Variants in LRRIQ1 observed in about 807,000 individuals in gnomAD.
LRRIQ1 encodes the protein leucine rich repeats and IQ motif containing 1.
In LRRIQ1, 210 loss-of-function variants were observed where a neutral mutation model predicts 211.9. The observed-to-expected ratio is 0.99, with a 90% CI of 0.89 to 1.11. LRRIQ1 has a LOEUF of 1.11. Among genes scored for constraint, LRRIQ1 ranks in the 50% most tolerant of loss-of-function variants. LRRIQ1 has a pLI of 0.00. For missense variants in LRRIQ1, 2,136 were observed against 1,939.5 expected (o/e 1.10, Z -1.90); for synonymous variants, 699 against 650.1 (o/e 1.08, Z -1.14).
At chr12:85,064,361 T>C (rs1027488513) in intron 8 of LRRIQ1, among the ~76,000 whole-genome samples, 3 of 151,810 alleles carry the variant, frequency 2.0e-5, no homozygotes, top group African/African-American at 7.2e-5. Context: ...CCATTTTAGA[T>C]TGGATTATGA....
At chr12:85,039,254 A>G (rs1331788844) in intron 2 of LRRIQ1, among the ~76,000 whole-genome samples, 1 of 151,296 alleles carries the variant, frequency 6.6e-6, no homozygotes, top group Admixed American at 6.6e-5. Context: ...GTTTCAATTA[A>G]GATACCTCAC....
Position 85,056,327 on chromosome 12 carries a change from T to C in LRRIQ1, c.1534T>C (p.Leu512=). The change falls in exon 8 of 27, where the codon TTG becomes CTG. Residue 512 remains leucine, a synonymous_variant. Coordinates refer to ENST00000393217, the MANE Select transcript of LRRIQ1 (RefSeq NM_001079910.2). ...TGAAAATACAGATAACAAAACTGAA[T>C]TGGGAAACTCTGATCTAAAAGGAAA... is the stretch of plus-strand genomic sequence containing the variant. ...KYENTDNKTE[L]GNSDLKGNLK... The C allele has an allele frequency of 1.3e-6, 2 of 1,598,132 alleles. No individual in the cohort carries two copies. Among genetic ancestry groups the C allele is most frequent in the African/African-American group, 1.4e-5 (1 of 73,926 alleles).
intron 10 of LRRIQ1, among the ~76,000 whole-genome samples, chr12:85,069,584 A>G (rs970939029): frequency 2.6e-5 from 4 of 151,814 alleles, no homozygotes; most frequent in African/African-American, 9.7e-5. Flanking sequence ...CTATTTCTCC[A>G]CATCCTCTCC....
chr12:85,051,724 T>A (rs1421588310), intron 6 of LRRIQ1, among the ~76,000 whole-genome samples: 1 of 152,244 alleles, frequency 6.6e-6, no homozygotes, highest in African/African-American at 2.4e-5. Context: ...TTTACTGATC[T>A]GTTTATTCTG....
intron 15 of LRRIQ1, among the ~76,000 whole-genome samples, chr12:85,110,244 T>C (rs1283320618): frequency 6.6e-6 from 1 of 152,144 alleles, no homozygotes; most frequent in African/African-American, 2.4e-5. Flanking sequence ...ATGTAACCCA[T>C]AATTTTAAGA....
At chr12:85,272,504 C>A in the LRRIQ1 span, among the ~76,000 whole-genome samples, 1 of 151,706 alleles carries the variant, frequency 6.6e-6, no homozygotes, top group Non-Finnish European at 1.5e-5. Context: ...TTTTTAAATA[C>A]TTAGTTTATA....
At chr12:85,198,859 C>A (rs928937931) in intron 24 of LRRIQ1, among the ~76,000 whole-genome samples, 3 of 151,934 alleles carry the variant, frequency 2.0e-5, no homozygotes, top group Non-Finnish European at 4.4e-5. Context: ...TGAGACACCG[C>A]ACCCGGCCGA....
At chr12:85,082,122 G>T (rs1451657471) in intron 11 of LRRIQ1, among the ~76,000 whole-genome samples, 1 of 151,974 alleles carries the variant, frequency 6.6e-6, no homozygotes, top group African/African-American at 2.4e-5. Flanking sequence ...AACTCTACTG[G>T]ATTTTGTCTG....
chr12:85,048,554 G>GTC (rs1424107738), intron 6 of LRRIQ1: 1 of 139,836 alleles, frequency 7.2e-6, no homozygotes, highest in Non-Finnish European at 1.5e-5. Context: ...GCAAGACTCC[G>GTC]TCTCAAAAAA....
chr12:85,260,012 T>C (rs1199786191), intron 1 of LRRIQ1, among the ~76,000 whole-genome samples: 1 of 151,660 alleles, frequency 6.6e-6, no homozygotes, highest in African/African-American at 2.4e-5. Flanking sequence ...TGGGCTTTAA[T>C]GCAATTCAGT....
At chr12:85,079,527 CTCTA>C (rs1884045173) in intron 11 of LRRIQ1, among the ~76,000 whole-genome samples, 1 of 151,932 alleles carries the variant, frequency 6.6e-6, no homozygotes, top group African/African-American at 2.4e-5. Flanking sequence ...CATGCCCAGC[CTCTA>C]TCTTTTTACT....
intron 1 of LRRIQ1, among the ~76,000 whole-genome samples, chr12:85,262,660 A>T (rs1896331336): frequency 6.6e-6 from 1 of 152,102 alleles, no homozygotes; most frequent in Admixed American, 6.6e-5. Flanking sequence ...GAATCTGTTG[A>T]TAGAAGGAAA....
intron 24 of LRRIQ1, among the ~76,000 whole-genome samples, chr12:85,192,844 T>C (rs1454711924): frequency 2.0e-5 from 2 of 99,092 alleles, no homozygotes; most frequent in East Asian, 3.1e-4. Flanking sequence ...ACTATAATTA[T>C]ATATAAATAT....
chr12:85,218,197 T>G (rs939024126), intron 24 of LRRIQ1, among the ~76,000 whole-genome samples: 17 of 151,918 alleles, frequency 1.1e-4, no homozygotes, highest in African/African-American at 4.1e-4. Flanking sequence ...AAAATATGGG[T>G]TACATATTTA....
rs547326759 is a variant in LRRIQ1, at chr12:85,224,675, GT to G, written c.4823-4840del. Among the ~76,000 whole-genome samples the G allele has an allele frequency of 2.8e-4, 40 of 142,954 alleles. No individual in the cohort carries two copies. In the South Asian group the frequency reaches 8.4e-3, roughly 30 times the overall value. 93.8% of individuals were successfully genotyped at this position (142,954 alleles called of 152,430 possible). A position where few individuals can be genotyped will look rare whatever the true frequency, so the allele number is the denominator to read the frequency against. ...CACATGTTCTCACTCATAATTGGGA[GT>G]TGAACAATGAGAACATATGGACACA... On this transcript the variant is annotated intron_variant, in intron 24 of 26. Coordinates refer to ENST00000393217, the MANE Select transcript of LRRIQ1 (RefSeq NM_001079910.2).
chr12:85,087,860 G>A (rs1432702097), intron 11 of LRRIQ1, among the ~76,000 whole-genome samples: 2 of 151,980 alleles, frequency 1.3e-5, no homozygotes, highest in African/African-American at 4.8e-5. Context: ...TTGTCAGATG[G>A]GTAGATTGCA....
intron 19 of LRRIQ1, among the ~76,000 whole-genome samples, chr12:85,145,717 C>T (rs1889847040): frequency 6.6e-6 from 1 of 151,666 alleles, no homozygotes; most frequent in Admixed American, 6.6e-5. Flanking sequence ...CAACCCTGCC[C>T]ATCCTGTGCT....
intron 26 of LRRIQ1, among the ~76,000 whole-genome samples, chr12:85,239,475 G>C (rs1161502432): frequency 6.6e-6 from 1 of 151,448 alleles, no homozygotes; most frequent in East Asian, 1.9e-4. Context: ...AGTATAGGGA[G>C]TCCAGAAAAA....
At chr12:85,123,521 A>G (rs1275735757) in intron 16 of LRRIQ1, among the ~76,000 whole-genome samples, 2 of 152,152 alleles carry the variant, frequency 1.3e-5, no homozygotes, top group Non-Finnish European at 2.9e-5. Flanking sequence ...TTCAAAAGCT[A>G]GAAATCCAAT....
Sources: gnomAD v4.1 joint callset for allele counts (sites outside exome capture counted in the v4.1 genomes callset) on GRCh38, gnomAD v4.1.1 for gene constraint, MANE v1.5 for transcripts, NCBI Gene and HGNC (gene_info 2026-07-23, HGNC 2026-07-21) for gene names.